CDH13: variants seen among roughly 807,000 people sequenced by gnomAD.
The protein encoded by CDH13 is cadherin-13.
Under a neutral mutation model 63.8 loss-of-function variants are expected in CDH13, and 24 were observed. That is an observed-to-expected ratio of 0.38 (90% CI 0.27 to 0.53). The LOEUF is 0.53. Among genes scored for constraint, CDH13 ranks in the 20% least tolerant of loss-of-function variants. CDH13 has a pLI of 0.85. For synonymous variants in CDH13, 503 were observed against 355.3 expected, an observed-to-expected ratio of 1.42 and a Z score of -4.67; for missense variants, 1,049 against 903.1, an observed-to-expected ratio of 1.16 and a Z score of -2.07.
intron 1 of CDH13, among the ~76,000 whole-genome samples, chr16:82,662,459 G>A (rs1221107948): frequency 1.3e-5 from 2 of 152,182 alleles, no homozygotes; most frequent in African/African-American, 4.8e-5. Flanking sequence ...TGAGAAACAT[G>A]AACAGAGGGT....
At chr16:82,648,258 A>G (rs1446823099) in intron 1 of CDH13, among the ~76,000 whole-genome samples, 1 of 152,242 alleles carries the variant, frequency 6.6e-6, no homozygotes, top group African/African-American at 2.4e-5. Context: ...GAAGTTAAAC[A>G]GAGGTAAATA....
intron 6 of CDH13, among the ~76,000 whole-genome samples, chr16:83,355,816 T>C (rs1447189181): frequency 6.6e-6 from 1 of 152,124 alleles, no homozygotes; most frequent in Admixed American, 6.5e-5. Flanking sequence ...AGCATCTCTC[T>C]AGGATTAAGG....
chr16:82,826,188 C>T (rs544149171), intron 1 of CDH13: 1 of 152,162 alleles, frequency 6.6e-6, no homozygotes, highest in Non-Finnish European at 1.5e-5. Context: ...TGTCTACTAA[C>T]AGGAGATGCC....
intron 5 of CDH13, among the ~76,000 whole-genome samples, chr16:83,236,980 CA>C (rs1361124088): frequency 2.0e-5 from 3 of 151,912 alleles, no homozygotes; most frequent in East Asian, 3.9e-4. Context: ...TCACAGTGCA[CA>C]AAAAGAGGTA....
At chr16:83,080,871 G>GTTTTTTTTTTTGTTTTTTTTTTTTTTTT (rs2033185148) in intron 3 of CDH13, among the ~76,000 whole-genome samples, 4 of 46,926 alleles carry the variant, frequency 8.5e-5, no homozygotes, top group Non-Finnish European at 1.4e-4. Flanking sequence ...TTGTTTTTGT[G>GTTTTTTTTTTTGTTTTTTTTTTTTTTTT]TTTTTTTTTT....
chr16:82,938,019 T>C (rs1467057665), intron 2 of CDH13, among the ~76,000 whole-genome samples: 1 of 152,226 alleles, frequency 6.6e-6, no homozygotes, highest in East Asian at 1.9e-4. Flanking sequence ...TTACATAATT[T>C]TCATTGTTTA....
chr16:82,973,748 C>T (rs917776125), intron 2 of CDH13, among the ~76,000 whole-genome samples: 11 of 152,094 alleles, frequency 7.2e-5, no homozygotes, highest in Admixed American at 2.6e-4. Flanking sequence ...ATGACATTTC[C>T]TTTTCTAGTC....
chr16:82,756,147 A>C (rs1271753210), intron 1 of CDH13, among the ~76,000 whole-genome samples: 1 of 152,200 alleles, frequency 6.6e-6, no homozygotes, highest in Non-Finnish European at 1.5e-5. Flanking sequence ...AGTAGCTTGT[A>C]AAAAGTTGCA....
intron 8 of CDH13, among the ~76,000 whole-genome samples, chr16:83,650,487 G>A (rs368716222): frequency 6.6e-6 from 1 of 152,186 alleles, no homozygotes; most frequent in South Asian, 2.1e-4. Flanking sequence ...ACAGGCAACT[G>A]TCATGTAGGG....
At chr16:82,679,865 T>A (rs540269397) in intron 1 of CDH13, among the ~76,000 whole-genome samples, 1 of 152,320 alleles carries the variant, frequency 6.6e-6, no homozygotes, top group South Asian at 2.1e-4. Context: ...TGGAACAAGT[T>A]TTTAAAGAAG....
chr16:82,843,236 A>T (rs1191130844), intron 1 of CDH13, among the ~76,000 whole-genome samples: 2 of 152,210 alleles, frequency 1.3e-5, no homozygotes, highest in African/African-American at 4.8e-5. Context: ...CAATTAGTGT[A>T]TATTGTCTTG....
At chr16:83,543,957 G>A (rs1335270299) in intron 7 of CDH13, among the ~76,000 whole-genome samples, 3 of 152,324 alleles carry the variant, frequency 2.0e-5, no homozygotes, top group East Asian at 3.9e-4. Context: ...CCGGTAGCAG[G>A]AGTGCCAGGG....
At chr16:83,661,171 C>T (rs1174376518) in intron 8 of CDH13, among the ~76,000 whole-genome samples, 1 of 151,942 alleles carries the variant, frequency 6.6e-6, no homozygotes, top group African/African-American at 2.4e-5. Flanking sequence ...TGTTTGATGC[C>T]TTGGTAGGAC....
chr16:82,946,273 G>C (rs894338554), intron 2 of CDH13, among the ~76,000 whole-genome samples: 2 of 151,980 alleles, frequency 1.3e-5, no homozygotes, highest in Non-Finnish European at 2.9e-5. Flanking sequence ...TGGGAGGGAA[G>C]GGTGGAAGGA....
At chr16:82,657,492 A>G (rs1417406770) in intron 1 of CDH13, among the ~76,000 whole-genome samples, 4 of 152,182 alleles carry the variant, frequency 2.6e-5, no homozygotes, top group Admixed American at 2.6e-4. Context: ...TCATCATGCA[A>G]CTCAGAACAG....
At chr16:82,879,692 A>T (rs2040626218) in intron 2 of CDH13, among the ~76,000 whole-genome samples, 1 of 138,936 alleles carries the variant, frequency 7.2e-6, no homozygotes, top group South Asian at 2.2e-4. Context: ...ATATATAATA[A>T]TATAACCAGT....
At chr16:83,536,977 C>G (rs2075203890) in intron 7 of CDH13, among the ~76,000 whole-genome samples, 1 of 152,174 alleles carries the variant, frequency 6.6e-6, no homozygotes, top group Non-Finnish European at 1.5e-5. Context: ...CTCAGTAAAG[C>G]AGAAGCCTGG....
At chr16:83,285,432 G>C (rs995965488) in intron 5 of CDH13, among the ~76,000 whole-genome samples, 3 of 151,896 alleles carry the variant, frequency 2.0e-5, no homozygotes, top group Non-Finnish European at 4.4e-5. Context: ...TTGGGGATGG[G>C]GTCTACTTTA....
intron 6 of CDH13, among the ~76,000 whole-genome samples, chr16:83,440,469 G>A (rs981125391): frequency 2.0e-5 from 3 of 152,084 alleles, no homozygotes; most frequent in Non-Finnish European, 2.9e-5. Flanking sequence ...CTCTGCAAAC[G>A]TGGCAGGTCA....
Sources: allele counts gnomAD v4.1 joint callset (sites outside exome capture counted in the v4.1 genomes callset), GRCh38; gene constraint gnomAD v4.1.1; transcripts MANE v1.5; gene names NCBI Gene and HGNC (gene_info 2026-07-23, HGNC 2026-07-21).